The following TOPBP1 variants were observed in gnomAD, a reference collection of about 807,000 sequenced individuals.
TOPBP1 encodes the protein DNA topoisomerase 2-binding protein 1.
In TOPBP1, 28 loss-of-function variants were observed where a neutral mutation model predicts 167.7. That is an observed-to-expected ratio of 0.17 (90% CI 0.12 to 0.23). TOPBP1 has a LOEUF of 0.23. Among genes scored for constraint, TOPBP1 ranks in the 10% least tolerant of loss-of-function variants. TOPBP1 has a pLI of 1.00. For missense variants in TOPBP1, 1,554 were observed against 1,809.6 expected (o/e 0.86, Z 2.56); for synonymous variants, 598 against 611.4 (o/e 0.98, Z 0.32).
At chr3:133,637,313 C>A (rs1342199451) in intron 14 of TOPBP1, among the ~76,000 whole-genome samples, 1 of 152,034 alleles carries the variant, frequency 6.6e-6, no homozygotes, top group African/African-American at 2.4e-5. Flanking sequence ...ATTACATTAG[C>A]CCCTGATTTA....
chr3:133,634,515 T>TA (rs201255287), intron 14 of TOPBP1, among the ~76,000 whole-genome samples: 160 of 148,206 alleles, frequency 1.1e-3, no homozygotes, highest in Middle Eastern at 3.4e-3. Context: ...GACTCTGTCT[T>TA]AAAAAAAAAA....
At position 133,620,177 on chromosome 3, in the gene TOPBP1, T is replaced by C; in HGVS notation, c.3349A>G (p.Ser1117Gly). 1.9e-6 allele frequency: 3 copies of C among 1,613,658 alleles called. No homozygotes were observed. Among genetic ancestry groups the C allele is most frequent in the Non-Finnish European group, 2.5e-6 (3 of 1,179,742 alleles). ...CACCTCAGTGCCTCTAGGACTCTAC[T>C]TCGTCCACTGCGAGCAGAGCGAGTG... is the stretch of plus-strand genomic sequence containing the variant. The part of the protein sequence containing the change: ...DSTRSARSGR[S>G]RVLEALRQSR... The change falls in exon 20 of 28, where the codon AGT (serine) becomes GGT (glycine). Residue 1117 changes from serine to glycine, a missense_variant. Physicochemically the swap from Ser to Gly is moderately conservative, Grantham distance 56. This residue lies in a region of TOPBP1 where 1,197 missense variants were observed against 1,351.5 expected (regional missense o/e 0.89). Transcript: ENST00000260810.
Position 133,644,068 on chromosome 3 carries a change from C to T in TOPBP1, c.1800G>A (p.Gly600=), listed in dbSNP as rs572817914. The T allele has an allele frequency of 6.2e-7, 1 of 1,613,346 alleles. No homozygotes were observed. The highest frequency in any genetic ancestry group is 8.5e-7 in the Non-Finnish European group (1 of 1,179,624). Residue 600 remains glycine, a synonymous_variant, in exon 11 of 28, where the codon GGG becomes GGA. Coordinates refer to ENST00000260810, the MANE Select transcript of TOPBP1 (RefSeq NM_007027.4). ...VADYAVVPLL[G]CEVEATVGEV... Reference sequence around the variant, plus strand: ...CTCCCACAGTGGCTTCCACTTCACACCCCAGCAGAGGAACCACAGCATAAT... The same window carrying T: ...CTCCCACAGTGGCTTCCACTTCACATCCCAGCAGAGGAACCACAGCATAAT...
At position 133,653,454 on chromosome 3, in the gene TOPBP1, A is replaced by G. The variant is rs754977612; in HGVS notation, c.813T>C (p.Ile271=). 6.2e-7 allele frequency: 1 copy of G among 1,612,878 alleles called. No individual in the cohort carries two copies. The change falls in exon 7 of 28, where the codon ATT becomes ATC. Residue 271 remains isoleucine (I), a synonymous_variant. Transcript: ENST00000260810. The part of the protein sequence containing the change: ...CVTTQWFFDS[I]EKGFCQDESI... ...ATTCATCCTGACAAAAACCTTTCTC[A>G]ATACTGTCAAAAAACCACTGTGTGG...
chr3:133,628,279 T>C (rs1453211729), intron 16 of TOPBP1, 83 bp downstream of exon 16: 25 of 1,235,246 alleles, frequency 2.0e-5, no homozygotes, highest in Non-Finnish European at 2.8e-5. Context: ...AATAAATGTA[T>C]TCTTGTAGAT....
At chr3:133,628,184 T>C (rs1226468959) in intron 16 of TOPBP1, 178 bp downstream of exon 16, 1 of 611,816 alleles carries the variant, frequency 1.6e-6, no homozygotes. Flanking sequence ...TAAGAGTGAA[T>C]TGATATGTGA....
chr3:133,633,023 T>C (rs575657242), intron 14 of TOPBP1, among the ~76,000 whole-genome samples: 3 of 152,322 alleles, frequency 2.0e-5, no homozygotes, highest in South Asian at 4.1e-4. Context: ...TCCTCCCGTC[T>C]TGGGCTCCCA....
chr3:133,601,182 T>C lies in TOPBP1; in HGVS notation c.*68A>G. The C allele has an allele frequency of 1.4e-6, 2 of 1,384,228 alleles. No homozygotes were observed. Among genetic ancestry groups the C allele is most frequent in the South Asian group, 1.3e-5 (1 of 74,264 alleles). The allele number at this position is 1,384,228 out of a possible 1,614,324, so 85.7% of individuals were successfully genotyped here. ...ATCTTTAAATTACTACCCAAATCTA[T>C]CACAGTCACATTCAGGCTTTCAATT... On this transcript the variant is annotated 3_prime_UTR_variant, in exon 28 of 28. Transcript: ENST00000260810.
intron 6 of TOPBP1, among the ~76,000 whole-genome samples, chr3:133,654,642 T>C (rs1405239388): frequency 6.6e-6 from 1 of 152,236 alleles, no homozygotes; most frequent in East Asian, 1.9e-4. Context: ...AAAACTCATC[T>C]TTTATCAATT....
At chr3:133,611,287 T>C (rs1934666981) in intron 24 of TOPBP1, 146 bp from the exon 25 acceptor site, 1 of 641,466 alleles carries the variant, frequency 1.6e-6, no homozygotes, top group African/African-American at 1.9e-5. Flanking sequence ...TAAGTAAATA[T>C]TGTTTTATGA....
At chr3:133,623,606 T>A in intron 17 of TOPBP1, 149 bp from the exon 18 acceptor site, 1 of 868,522 alleles carries the variant, frequency 1.2e-6, no homozygotes, top group Non-Finnish European at 1.6e-6. Flanking sequence ...CACTGAAAAA[T>A]TTGCATCATA....
Position 133,637,905 on chromosome 3 carries a change from T to C in TOPBP1, c.2491A>G (p.Lys831Glu). The C allele has an allele frequency of 6.2e-7, 1 of 1,613,974 alleles. No homozygotes were observed. The highest frequency in any genetic ancestry group is 8.5e-7 in the Non-Finnish European group (1 of 1,179,854). The change falls in exon 14 of 28, where the codon AAA (lysine) becomes GAA (glutamate). Residue 831 changes from lysine (K) to glutamate (E), a missense_variant. Transcript: ENST00000260810. ...ACATCAAAGGAAGGCTTGAAGAGTT[T>C]GTCCTTGGACAGGAATTTTGATGGT... ...DTPSKFLSKD[K>E]LFKPSFDVKD...
rs1314267907 is a variant in TOPBP1 at position 133,644,069 on chromosome 3, C to T, written c.1799G>A (p.Gly600Glu). 1 of 1,613,306 alleles carries T rather than the reference C, an allele frequency of 6.2e-7. No homozygotes were observed. The highest frequency in any genetic ancestry group is 1.1e-5 in the South Asian group (1 of 90,890). The change falls in exon 11 of 28, where the codon GGG (glycine) becomes GAG (glutamate). Residue 600 changes from glycine to glutamate, a missense_variant. Gly to Glu is a moderately conservative substitution (Grantham distance 98). Around this residue, in one of 3 missense-constraint regions of TOPBP1, gnomAD observed 1,197 missense variants for 1,351.5 expected, o/e 0.89. Transcript: ENST00000260810. ...VADYAVVPLLGCEVEATVGEV... is the reference protein window; with the variant it reads ...VADYAVVPLLECEVEATVGEV... Reference sequence around the variant, plus strand: ...TCCCACAGTGGCTTCCACTTCACACCCCAGCAGAGGAACCACAGCATAATC... The same window carrying T: ...TCCCACAGTGGCTTCCACTTCACACTCCAGCAGAGGAACCACAGCATAATC...
chr3:133,604,255 C>T (rs1036822636), intron 27 of TOPBP1, among the ~76,000 whole-genome samples: 5 of 151,706 alleles, frequency 3.3e-5, no homozygotes, highest in Admixed American at 3.3e-4. Flanking sequence ...CTGCCTCAGC[C>T]TCCCGAGTGG....
intron 14 of TOPBP1, among the ~76,000 whole-genome samples, chr3:133,634,939 T>A (rs979781645): frequency 6.6e-6 from 1 of 151,910 alleles, no homozygotes; most frequent in African/African-American, 2.4e-5. Context: ...GTTGAAAAAA[T>A]ATATTTTCCC....
intron 10 of TOPBP1, among the ~76,000 whole-genome samples, chr3:133,647,438 C>T (rs1022120086): frequency 6.6e-6 from 1 of 152,138 alleles, no homozygotes; most frequent in African/African-American, 2.4e-5. Flanking sequence ...AGTACAAGTT[C>T]ACAATAAAAA....
chr3:133,654,230 T>A (rs931422386), intron 6 of TOPBP1, among the ~76,000 whole-genome samples: 1 of 152,234 alleles, frequency 6.6e-6, no homozygotes, highest in South Asian at 2.1e-4. Context: ...ATTTGTGCTA[T>A]ATAATAAATC....
chr3:133,611,066 C>T lies in TOPBP1; in HGVS notation c.4111G>A (p.Ala1371Thr). 6.2e-7 allele frequency: 1 copy of T among 1,613,526 alleles called. No homozygotes were observed. The change falls in exon 25 of 28, where the codon GCA (alanine) becomes ACA (threonine). Residue 1371 changes from alanine to threonine, a missense_variant. Transcript: ENST00000260810. ...TGINVQQRRL[A>T]LAAMRWRKKI... Reference sequence around the variant, plus strand: ...TTTCTCCATCTCATTGCTGCAAGTGCTAGTCTTCGTTGCTGTACATTGATT... The same window carrying T: ...TTTCTCCATCTCATTGCTGCAAGTGTTAGTCTTCGTTGCTGTACATTGATT...
Position 133,661,207 on chromosome 3 carries a change from T to TAC in TOPBP1, c.-7-74_-7-73insGT, listed in dbSNP as rs1299580731. The TAC allele has an allele frequency of 1.1e-4, 122 of 1,159,016 alleles. No individual in the cohort carries two copies. In the Middle Eastern group the frequency reaches 2.0e-3, roughly 19 times the overall value. The allele number at this position is 1,159,016 out of a possible 1,614,324, so 71.8% of individuals were successfully genotyped here. A position where few individuals can be genotyped will look rare whatever the true frequency, so the allele number is the denominator to read the frequency against. ...AAAAGTTGCATGTTTAACCTACCTATTTTTCTGTGCAGACAAGAATGCCTA... is the reference window on the plus strand; with the variant it reads ...AAAAGTTGCATGTTTAACCTACCTATACTTTTCTGTGCAGACAAGAATGCCTA... On this transcript the variant is annotated intron_variant, in intron 1 of 27. Transcript: ENST00000260810.
Sources: gnomAD v4.1 joint callset for allele counts (sites outside exome capture counted in the v4.1 genomes callset) on GRCh38, gnomAD v4.1.1 for gene constraint, gnomAD v4.1.1 regional missense constraint, MANE v1.5 for transcripts, NCBI Gene and HGNC (gene_info 2026-07-23, HGNC 2026-07-21) for gene names.